Variants in MSN observed in about 807,000 individuals in gnomAD.
The protein encoded by MSN is moesin.
In MSN, 2 loss-of-function variants were observed where a neutral mutation model predicts 48.0. The ratio of observed to expected loss-of-function variants is 0.04; its 90% confidence interval spans 0.02 to 0.13. The LOEUF (loss-of-function observed/expected upper bound fraction) is 0.13, where lower values mean the gene tolerates loss of function less well. Among genes scored for constraint, MSN ranks in the 10% least tolerant of loss-of-function variants. The pLI is 1.00. For synonymous variants in MSN, 146 were observed against 166.9 expected (o/e 0.87, Z 0.97); for missense variants, 267 against 470.1 (o/e 0.57, Z 3.99).
intron 1 of MSN, chrX:65,593,485 A>T (rs2070164338): frequency 8.9e-6 from 1 of 112,433 alleles, no homozygotes; most frequent in African/African-American, 3.2e-5. Context: ...GCTTGTGGGA[A>T]TCAGCAGTTG....
intron 1 of MSN, among the ~76,000 whole-genome samples, chrX:65,699,282 A>G (rs1280228701): frequency 6.3e-5 from 7 of 111,840 alleles, no homozygotes; most frequent in Admixed American, 9.5e-5. Context: ...CAGAGACCCA[A>G]TCTCTGAACC....
chrX:65,728,602 T>C (rs1182020591), intron 3 of MSN, among the ~76,000 whole-genome samples: 1 of 111,393 alleles, frequency 9.0e-6, no homozygotes, highest in African/African-American at 3.3e-5. Flanking sequence ...TGGGGATTTG[T>C]TAAAAAGAGC....
At chrX:65,598,166 CAG>C (rs1359167314) in intron 1 of MSN, among the ~76,000 whole-genome samples, 6 of 109,222 alleles carry the variant, frequency 5.5e-5, no homozygotes, top group Non-Finnish European at 1.1e-4. Flanking sequence ...GAAACAGAGA[CAG>C]AATCAGAGAA....
At chrX:65,620,339 G>A (rs1033091031) in intron 1 of MSN, among the ~76,000 whole-genome samples, 14 of 112,993 alleles carry the variant, frequency 1.2e-4, no homozygotes, top group Non-Finnish European at 2.3e-4. Flanking sequence ...ATCTCAGAGT[G>A]CTGTGCTAGC....
intron 1 of MSN, among the ~76,000 whole-genome samples, chrX:65,673,557 C>T (rs540711607): frequency 1.8e-5 from 2 of 110,219 alleles, no homozygotes; most frequent in African/African-American, 3.3e-5. Context: ...CGGGTTCAAG[C>T]GATTCTCCTG....
At chrX:65,666,676 G>C (rs1293186699), upstream of MSN, among the ~76,000 whole-genome samples, 1 of 110,435 alleles carries the variant, frequency 9.1e-6, no homozygotes, top group Non-Finnish European at 1.9e-5. Context: ...CCCCAGGCTG[G>C]TCTCGAATTC....
chrX:65,624,006 G>C (rs2070480060), intron 1 of MSN, among the ~76,000 whole-genome samples: 1 of 110,340 alleles, frequency 9.1e-6, no homozygotes, highest in Non-Finnish European at 1.9e-5. Context: ...ATTTATTCAT[G>C]AGCAATTGTT....
intron 1 of MSN, among the ~76,000 whole-genome samples, chrX:65,670,112 T>C (rs1348040586): frequency 1.8e-5 from 2 of 112,145 alleles, no homozygotes; most frequent in African/African-American, 6.5e-5. Flanking sequence ...TGTGGTCTCC[T>C]GGTAAGGTTC....
At chrX:65,730,315 C>T (rs1044120996) in intron 4 of MSN, among the ~76,000 whole-genome samples, 1 of 112,075 alleles carries the variant, frequency 8.9e-6, no homozygotes, top group Non-Finnish European at 1.9e-5. Context: ...TCTGGTGCAG[C>T]TCATCTGAGG....
chrX:65,725,337 C>G (rs1461817813), intron 2 of MSN, among the ~76,000 whole-genome samples: 2 of 111,866 alleles, frequency 1.8e-5, no homozygotes, highest in East Asian at 5.6e-4. Flanking sequence ...CTGTTCTCCC[C>G]CCATGACCTA....
intron 1 of MSN, among the ~76,000 whole-genome samples, chrX:65,603,551 G>A (rs1219657570): frequency 9.0e-6 from 1 of 111,541 alleles, no homozygotes; most frequent in African/African-American, 3.3e-5. Flanking sequence ...CACTTGAAAT[G>A]TGATTACTGT....
intron 1 of MSN, among the ~76,000 whole-genome samples, chrX:65,701,079 G>C (rs1162591259): frequency 8.9e-6 from 1 of 112,159 alleles, no homozygotes; most frequent in Non-Finnish European, 1.9e-5. Context: ...CAAGGAAAGA[G>C]AGAGCTTCAT....
At chrX:65,629,480 A>T (rs749385888) in intron 1 of MSN, among the ~76,000 whole-genome samples, 9 of 111,876 alleles carry the variant, frequency 8.0e-5, no homozygotes, top group Non-Finnish European at 1.7e-4. Flanking sequence ...TCTTTTCAGT[A>T]GTGCCCCACT....
chrX:65,620,320 C>T (rs1231576541), intron 1 of MSN, among the ~76,000 whole-genome samples: 2 of 110,346 alleles, frequency 1.8e-5, no homozygotes, highest in East Asian at 2.8e-4. Flanking sequence ...GCTGCCGCCC[C>T]GCAGCTCCAT....
At chrX:65,699,435 G>A (rs1178521814) in intron 1 of MSN, among the ~76,000 whole-genome samples, 1 of 111,906 alleles carries the variant, frequency 8.9e-6, no homozygotes, top group Non-Finnish European at 1.9e-5. Context: ...GAAGTCCAGA[G>A]GCTGCTCAAT....
chrX:65,665,811 A>G (rs979652444), upstream of MSN, among the ~76,000 whole-genome samples: 1 of 111,584 alleles, frequency 9.0e-6, no homozygotes. Flanking sequence ...TAGTGGTCAT[A>G]GGATGAGTTA....
chrX:65,696,716 A>G (rs1357742099), intron 1 of MSN, among the ~76,000 whole-genome samples: 1 of 111,477 alleles, frequency 9.0e-6, no homozygotes, highest in Non-Finnish European at 1.9e-5. Context: ...ATTGCAGGAT[A>G]GGTTAAATAG....
intron 2 of MSN, among the ~76,000 whole-genome samples, chrX:65,726,132 C>T (rs1385008493): frequency 9.0e-6 from 1 of 111,164 alleles, no homozygotes; most frequent in Non-Finnish European, 1.9e-5. Flanking sequence ...AAGTGGTTGT[C>T]GCTTGGGTCT....
At chrX:65,695,062 TTG>T (rs376907310) in intron 1 of MSN, among the ~76,000 whole-genome samples, 1 of 108,789 alleles carries the variant, frequency 9.2e-6, no homozygotes, top group Admixed American at 9.7e-5. Context: ...CACTTCTTCT[TTG>T]TGTGTGTGTG....
Sources: allele counts gnomAD v4.1 joint callset (sites outside exome capture counted in the v4.1 genomes callset), GRCh38; gene constraint gnomAD v4.1.1; transcripts MANE v1.5; gene names NCBI Gene and HGNC (gene_info 2026-07-23, HGNC 2026-07-21).